MEGF6: variants seen among roughly 807,000 people sequenced by gnomAD.
The protein encoded by MEGF6 is multiple epidermal growth factor-like domains protein 6.
In MEGF6, 184 loss-of-function variants were observed where a neutral mutation model predicts 207.1. The observed-to-expected ratio is 0.89, with a 90% CI of 0.79 to 1.00. The LOEUF (loss-of-function observed/expected upper bound fraction) is 1.00. Ranked by LOEUF, MEGF6 falls within the 50% of genes least tolerant of loss-of-function variation. The pLI, the probability that MEGF6 is intolerant of heterozygous loss-of-function variation, is 0.00. For missense variants in MEGF6, 2,282 were observed against 2,202.9 expected (o/e 1.04, Z -0.72); for synonymous variants, 1,038 against 910.0 (o/e 1.14, Z -2.53).
At chr1:3,517,666 G>A (rs1044649841) in intron 5 of MEGF6, among the ~76,000 whole-genome samples, 7 of 152,190 alleles carry the variant, frequency 4.6e-5, no homozygotes, top group Non-Finnish European at 1.0e-4. Flanking sequence ...ACACAGCCCA[G>A]CCACCCCTAC....
intron 13 of MEGF6, 86 bp from the exon 14 acceptor site, chr1:3,508,009 G>A: frequency 6.8e-7 from 1 of 1,481,412 alleles, no homozygotes; most frequent in Non-Finnish European, 9.1e-7. Flanking sequence ...CTTGGGTTTA[G>A]AAGCAGTTGC....
At chr1:3,531,563 C>G in intron 4 of MEGF6, 2 of 937,514 alleles carry the variant, frequency 2.1e-6, no homozygotes, top group Non-Finnish European at 2.6e-6. Context: ...CCGGCCCGCC[C>G]GCCCCGCGCA....
rs944765835 is a variant in MEGF6, at chr1:3,573,199, G to A, written c.481+6626C>T. On this transcript the variant is annotated intron_variant, in intron 4 of 36. Coordinates refer to ENST00000356575, the MANE Select transcript of MEGF6 (RefSeq NM_001409.4). This position sits in a 1 kb window ranked among gnomAD's most constrained non-coding sequence, Gnocchi z 5.1. ...TCCCTGGTATGCTGGGTCCTCCTGC[G>A]TGTGCTGCGTCCTTCCTGTGTGTGC... Among the ~76,000 whole-genome samples the A allele has an allele frequency of 1.3e-5, 2 of 151,596 alleles. No homozygotes were observed. The highest frequency in any genetic ancestry group is 2.1e-4 in the South Asian group (1 of 4,806).
intron 6 of MEGF6, 94 bp downstream of exon 6, chr1:3,515,308 C>T (rs1272463075): frequency 2.8e-6 from 4 of 1,426,976 alleles, no homozygotes; most frequent in Non-Finnish European, 3.8e-6. Flanking sequence ...GCCTTGGGGG[C>T]CTCCTGAAGA....
At position 3,515,508 on chromosome 1, in the gene MEGF6, C is replaced by T. The variant is rs766393604; in HGVS notation, c.624G>A (p.Leu208=). Residue 208 remains leucine (L), a synonymous_variant, in exon 6 of 37, where the codon CTG becomes CTA. Coordinates refer to ENST00000356575, the MANE Select transcript of MEGF6 (RefSeq NM_001409.4). ...RTCLAINSCA[L]GNGGCQHHCV... is the part of the protein sequence containing the mutation. ...AGTGGTGCTGGCAGCCGCCATTGCC[C>T]AGGGCGCAGGAGTTAATGGCTGGGG... 18 of 1,612,690 alleles carry T rather than the reference C, an allele frequency of 1.1e-5. No homozygotes were observed. In the Admixed American group the frequency reaches 3.0e-4, roughly 27 times the overall value.
chr1:3,584,067 C>A (rs1373619611), intron 3 of MEGF6, among the ~76,000 whole-genome samples: 2 of 152,234 alleles, frequency 1.3e-5, no homozygotes, highest in African/African-American at 4.8e-5. Context: ...TGAAACTGGG[C>A]AGGTCTGCCT....
rs772088243 is a variant in MEGF6, at chr1:3,490,575, CGGGCAGTGTGCCCGCT to C, written c.4565-2_4578del. 1.2e-6 allele frequency: 2 copies of C among 1,613,324 alleles called. No homozygotes were observed. The highest frequency in any genetic ancestry group is 1.7e-6 in the Non-Finnish European group (2 of 1,179,866). ...CTCCGGGATGTGGGTCTGCTGGAGG[CGGGCAGTGTGCCCGCT>C]GGGGAAAAGGAGAAAAGAGGGCCAG... On this transcript the variant is annotated splice_acceptor_variant and coding_sequence_variant, in exon 37 of 37. Transcript: ENST00000356575. LOFTEE classifies it high-confidence loss of function.
intron 3 of MEGF6, among the ~76,000 whole-genome samples, chr1:3,584,274 G>A (rs1643865541): frequency 1.3e-5 from 2 of 152,216 alleles, no homozygotes; most frequent in South Asian, 2.1e-4. Context: ...TTCCAGAATC[G>A]GGTTAACTGT....
chr1:3,497,476 G>A (rs1236580434), intron 26 of MEGF6, 115 bp from the exon 27 acceptor site: 4 of 1,291,168 alleles, frequency 3.1e-6, no homozygotes, highest in East Asian at 2.6e-5. Context: ...TGGCTGAACT[G>A]GGGGCTGTGC....
chr1:3,490,981 C>T lies in MEGF6; in HGVS notation c.4517-22G>A, dbSNP rs75327990. ...CCACCTGGAGGGGAGAGAGAGCAGG[C>T]CATGTTAGTACCCCCAGCCTTGAGT... On this transcript the variant is annotated intron_variant, in intron 35 of 36. Transcript: ENST00000356575. 5.2e-3 allele frequency: 8,191 copies of T among 1,579,074 alleles called. 489 individuals are homozygous for T. In the East Asian group the frequency reaches 0.13, roughly 24 times the overall value.
At chr1:3,612,690 G>A (rs76952126), upstream of MEGF6, among the ~76,000 whole-genome samples, 2,819 of 152,234 alleles carry the variant, frequency 0.019, 235 homozygotes, top group East Asian at 0.25. Flanking sequence ...CCAAGGCTTC[G>A]TGTGGTTTGG....
At chr1:3,515,633 G>A (rs1411604624) in intron 5 of MEGF6, 106 bp from the exon 6 acceptor site, 7 of 1,373,724 alleles carry the variant, frequency 5.1e-6, no homozygotes, top group East Asian at 4.9e-5. Flanking sequence ...TCTTCCTGCT[G>A]TAGGACCCCT....
intron 4 of MEGF6, among the ~76,000 whole-genome samples, chr1:3,535,842 C>T (rs992947473): frequency 2.0e-5 from 3 of 152,232 alleles, no homozygotes; most frequent in Non-Finnish European, 4.4e-5. Context: ...ACTGGGCCAC[C>T]TCCTTCGGGT....
chr1:3,518,423 A>C (rs932093451), intron 5 of MEGF6, among the ~76,000 whole-genome samples: 2 of 152,144 alleles, frequency 1.3e-5, no homozygotes, highest in Non-Finnish European at 2.9e-5. Context: ...TGTGAGGGTG[A>C]AGCTCTGCAA....
chr1:3,572,251 A>AGGTGTGCTGGGTCCTCCTG (rs1357282954), intron 4 of MEGF6, among the ~76,000 whole-genome samples: 1 of 74,790 alleles, frequency 1.3e-5, no homozygotes, highest in East Asian at 5.1e-4. Flanking sequence ...GGGTTCTCTC[A>AGGTGTGCTGGGTCCTCCTG]GGTGTGCTGG....
intron 5 of MEGF6, among the ~76,000 whole-genome samples, chr1:3,523,075 G>GGC (rs1553195893): frequency 9.2e-4 from 29 of 31,680 alleles, no homozygotes; most frequent in Non-Finnish European, 1.3e-3. Context: ...AGTGTGTGCC[G>GGC]GGGGGGGGGC....
chr1:3,514,525 G>T, intron 7 of MEGF6, 25 bp downstream of exon 7: 1 of 1,576,136 alleles, frequency 6.3e-7, no homozygotes. Flanking sequence ...CCTGGGCGGG[G>T]CGGAGCAGGG....
intron 4 of MEGF6, chr1:3,531,561 C>T (rs1255750624): frequency 3.2e-6 from 3 of 952,288 alleles, no homozygotes; most frequent in East Asian, 1.9e-4. Flanking sequence ...CGCCGGCCCG[C>T]CCGCCCCGCG....
Position 3,514,594 on chromosome 1 carries a change from C to T in MEGF6, c.809G>A (p.Cys270Tyr). 1 of 1,585,256 alleles carries T rather than the reference C, an allele frequency of 6.3e-7. No homozygotes were observed. The change falls in exon 7 of 37, where the codon TGC becomes TAC. Residue 270 changes from cysteine to tyrosine, a missense_variant. Coordinates refer to ENST00000356575, the MANE Select transcript of MEGF6 (RefSeq NM_001409.4). ...QVVRGLARCE[C>Y]HVGYQLAADG... ...CGCTGCTAGCTGATAGCCCACGTGG[C>T]ACTCACAGCGGGCGAGGCCCCGGAC...
Sources: allele counts gnomAD v4.1 joint callset (sites outside exome capture counted in the v4.1 genomes callset), GRCh38; gene constraint gnomAD v4.1.1; non-coding constraint Gnocchi (gnomAD v3.1); transcripts MANE v1.5; gene names NCBI Gene and HGNC (gene_info 2026-07-23, HGNC 2026-07-21).